The following STXBP5L variants were observed in gnomAD, a reference collection of about 807,000 sequenced individuals.
The protein encoded by STXBP5L is syntaxin-binding protein 5-like.
A neutral mutation model predicts 144.5 loss-of-function variants in STXBP5L; 65 were observed. That is an observed-to-expected ratio of 0.45 (90% CI 0.37 to 0.55). STXBP5L has a LOEUF of 0.55. Ranked by LOEUF, STXBP5L falls within the 20% of genes least tolerant of loss-of-function variation. STXBP5L has a pLI of 0.00. For missense variants in STXBP5L, 1,298 were observed against 1,405.5 expected, an observed-to-expected ratio of 0.92 and a Z score of 1.22; for synonymous variants, 505 against 469.6, an observed-to-expected ratio of 1.08 and a Z score of -0.97.
chr3:121,185,226 AT>A (rs2047326887), intron 9 of STXBP5L, among the ~76,000 whole-genome samples: 1 of 152,144 alleles, frequency 6.6e-6, no homozygotes, highest in Non-Finnish European at 1.5e-5. Context: ...GATTGCAAAA[AT>A]TGTCTCCCAT....
chr3:121,081,209 T>C (rs1187305516), intron 5 of STXBP5L, among the ~76,000 whole-genome samples: 1 of 152,126 alleles, frequency 6.6e-6, no homozygotes, highest in Admixed American at 6.6e-5. Context: ...AAGTTGTAGT[T>C]CTTTTTCTTT....
chr3:121,016,246 A>T (rs191562803), intron 3 of STXBP5L, among the ~76,000 whole-genome samples: 168 of 152,360 alleles, frequency 1.1e-3, no homozygotes, highest in Non-Finnish European at 2.0e-3. Flanking sequence ...AAACAGATAC[A>T]GCAGTTAACA....
chr3:121,145,634 G>T (rs72966155), intron 7 of STXBP5L, among the ~76,000 whole-genome samples: 1 of 151,934 alleles, frequency 6.6e-6, no homozygotes, highest in East Asian at 1.9e-4. Context: ...AACCACAAAC[G>T]TGTTAAACTA....
intron 21 of STXBP5L, among the ~76,000 whole-genome samples, chr3:121,381,049 G>A (rs1008938965): frequency 1.5e-4 from 23 of 152,096 alleles, no homozygotes; most frequent in Non-Finnish European, 2.5e-4. Context: ...AAAATGGTGA[G>A]CTGGAGCTCA....
At chr3:120,972,238 A>G (rs1389160878) in intron 3 of STXBP5L, among the ~76,000 whole-genome samples, 3 of 151,928 alleles carry the variant, frequency 2.0e-5, no homozygotes, top group Non-Finnish European at 2.9e-5. Flanking sequence ...TGTGTCATCT[A>G]TGATTTCTTT....
intron 5 of STXBP5L, among the ~76,000 whole-genome samples, chr3:121,090,797 C>T (rs1009860350): frequency 1.3e-5 from 2 of 151,706 alleles, no homozygotes; most frequent in Non-Finnish European, 2.9e-5. Context: ...TATTATTATA[C>T]TTTAAGTTTT....
intron 22 of STXBP5L, among the ~76,000 whole-genome samples, chr3:121,403,614 C>A (rs547968480): frequency 6.6e-6 from 1 of 152,122 alleles, no homozygotes; most frequent in Admixed American, 6.6e-5. Context: ...AAGTCTTTGC[C>A]TTCATAAAAC....
chr3:121,352,774 A>T (rs547178042), intron 20 of STXBP5L, among the ~76,000 whole-genome samples: 1 of 152,032 alleles, frequency 6.6e-6, no homozygotes, highest in Non-Finnish European at 1.5e-5. Context: ...TTCAAAGGGA[A>T]TGCTTCCAAT....
chr3:120,960,493 A>G (rs1359010432), intron 3 of STXBP5L, among the ~76,000 whole-genome samples: 1 of 152,196 alleles, frequency 6.6e-6, no homozygotes, highest in Non-Finnish European at 1.5e-5. Flanking sequence ...ATAATAGCAA[A>G]GACTTGGAAC....
At chr3:121,196,123 A>G (rs1305381630) in intron 9 of STXBP5L, among the ~76,000 whole-genome samples, 1 of 151,254 alleles carries the variant, frequency 6.6e-6, no homozygotes, top group East Asian at 1.9e-4. Flanking sequence ...CATTGAATCT[A>G]TAGATCAGTT....
chr3:121,205,785 T>G, intron 9 of STXBP5L, 138 bp from the exon 10 acceptor site: 1 of 418,994 alleles, frequency 2.4e-6, no homozygotes. Context: ...GATTCATAGA[T>G]ATAAGTTTAT....
intron 19 of STXBP5L, among the ~76,000 whole-genome samples, chr3:121,308,623 T>G (rs2108507151): frequency 6.6e-6 from 1 of 152,212 alleles, no homozygotes; most frequent in East Asian, 1.9e-4. Flanking sequence ...ATAAAGGAAG[T>G]GGGTGGGAGC....
chr3:121,042,924 G>A (rs9831480), intron 4 of STXBP5L, among the ~76,000 whole-genome samples: 14,939 of 151,174 alleles, frequency 0.099, 1,166 homozygotes, highest in Admixed American at 0.2. Context: ...CAGGCTTCTC[G>A]AGGTCTCAGT....
intron 5 of STXBP5L, among the ~76,000 whole-genome samples, chr3:121,068,673 G>A (rs766422419): frequency 4.6e-5 from 7 of 151,570 alleles, no homozygotes; most frequent in Non-Finnish European, 7.4e-5. Context: ...TTTCACATCC[G>A]TTTTAAACCC....
chr3:121,008,735 C>T (rs182414680), intron 3 of STXBP5L, among the ~76,000 whole-genome samples: 2 of 151,940 alleles, frequency 1.3e-5, no homozygotes, highest in African/African-American at 2.4e-5. Flanking sequence ...TCCTTTATTT[C>T]ATCTCCTTCA....
chr3:120,919,809 G>A (rs1004561745), intron 2 of STXBP5L, among the ~76,000 whole-genome samples: 6 of 151,930 alleles, frequency 3.9e-5, no homozygotes, highest in Middle Eastern at 3.2e-3. Flanking sequence ...ATATTTTAAT[G>A]TGATTAACAG....
At chr3:121,393,987 A>T (rs1432169501) in intron 22 of STXBP5L, among the ~76,000 whole-genome samples, 2 of 152,164 alleles carry the variant, frequency 1.3e-5, no homozygotes, top group Non-Finnish European at 2.9e-5. Context: ...ATTGATAGGA[A>T]TTGTGTTGAA....
chr3:121,303,452 C>T (rs1277613352), intron 19 of STXBP5L, among the ~76,000 whole-genome samples: 48 of 152,228 alleles, frequency 3.2e-4, no homozygotes, highest in Admixed American at 2.6e-3. Flanking sequence ...AGTTCAACCA[C>T]TGTGGAAGTC....
At chr3:121,135,986 A>T (rs916756370) in intron 7 of STXBP5L, among the ~76,000 whole-genome samples, 2 of 152,064 alleles carry the variant, frequency 1.3e-5, no homozygotes, top group Non-Finnish European at 2.9e-5. Context: ...TGGTGGAATG[A>T]ACTTGAGTTC....
Sources: allele counts gnomAD v4.1 joint callset (sites outside exome capture counted in the v4.1 genomes callset), GRCh38; gene constraint gnomAD v4.1.1; transcripts MANE v1.5; gene names NCBI Gene and HGNC (gene_info 2026-07-23, HGNC 2026-07-21).